The following THOC2 variants were observed in gnomAD, a reference collection of about 807,000 sequenced individuals.
The protein encoded by THOC2 is THO complex subunit 2, also known as THO complex 2.
In THOC2, 10 loss-of-function variants were observed where a neutral mutation model predicts 128.4. The ratio of observed to expected loss-of-function variants is 0.08; its 90% CI spans 0.05 to 0.13. The LOEUF (loss-of-function observed/expected upper bound fraction) is 0.13, where lower values mean the gene tolerates loss of function less well. Among genes scored for constraint, THOC2 ranks in the 10% least tolerant of loss-of-function variants. The pLI is 1.00. For synonymous variants in THOC2, 393 were observed against 396.9 expected (o/e 0.99, Z 0.12); for missense variants, 535 against 1,155.7 (o/e 0.46, Z 7.79).
chrX:123,614,558 G>GA (rs2046819662), intron 33 of THOC2, among the ~76,000 whole-genome samples: 2 of 107,002 alleles, frequency 1.9e-5, no homozygotes, highest in South Asian at 8.0e-4. Context: ...AAAAGAAAAA[G>GA]AAAAAAACAC....
intron 2 of THOC2, among the ~76,000 whole-genome samples, chrX:123,709,607 G>A (rs755781167): frequency 9.0e-5 from 10 of 111,469 alleles, no homozygotes; most frequent in African/African-American, 1.6e-4. Context: ...AAAAGGCCCC[G>A]AGAAGGTACT....
chrX:123,688,826 C>G (rs921005474), intron 7 of THOC2, among the ~76,000 whole-genome samples: 1 of 111,766 alleles, frequency 8.9e-6, no homozygotes, highest in African/African-American at 3.3e-5. Flanking sequence ...ATGAAAAATG[C>G]CTTCACACTG....
intron 30 of THOC2, 69 bp downstream of exon 30, chrX:123,622,689 T>C: frequency 1.2e-6 from 1 of 839,360 alleles, no homozygotes. Context: ...CAACCCCGTC[T>C]CAAAAAAATA....
chrX:123,682,727 TTC>T (rs1265008008), intron 8 of THOC2, among the ~76,000 whole-genome samples: 1 of 111,945 alleles, frequency 8.9e-6, no homozygotes, highest in East Asian at 2.8e-4. Flanking sequence ...AAGTAAGAAT[TTC>T]TGTTTACAGA....
intron 36 of THOC2, among the ~76,000 whole-genome samples, chrX:123,612,933 T>C (rs777398442): frequency 3.4e-4 from 38 of 111,999 alleles, no homozygotes; most frequent in Non-Finnish European, 6.2e-4. Context: ...TATCTTATAC[T>C]CAATTTTTAA....
At chrX:123,690,639 A>T (rs1179906500) in intron 7 of THOC2, among the ~76,000 whole-genome samples, 3 of 111,864 alleles carry the variant, frequency 2.7e-5, no homozygotes, top group Non-Finnish European at 5.6e-5. Context: ...AAAGACCAAG[A>T]TAATATTGCA....
rs1028865359 is a variant in THOC2 at position 123,623,585 on chromosome X, T to TA, written c.3503+201dup. 8.7e-5 allele frequency: 76 copies of TA among 871,896 alleles called. No homozygotes were observed. In the East Asian group the frequency reaches 1.4e-3, roughly 16 times the overall value. 71.9% of individuals were successfully genotyped at this position (871,896 alleles called of 1,213,427 possible). On this transcript the variant is annotated intron_variant, in intron 28 of 38. Transcript: ENST00000245838. ...AATCAAGAAATATTATACATGACTTTAAAAAAACTATCATCCAGTATAGAC... is the reference window on the plus strand; with the variant it reads ...AATCAAGAAATATTATACATGACTTTAAAAAAAACTATCATCCAGTATAGAC...
chrX:123,632,489 C>CAAAAA lies in THOC2; in HGVS notation c.2316+367_2316+371dup, dbSNP rs11324625. Among the ~76,000 whole-genome samples the CAAAAA allele has an allele frequency of 5.8e-3, 205 of 35,141 alleles. 4 individuals carry two copies. Among genetic ancestry groups the CAAAAA allele is most frequent in the Middle Eastern group, 0.032 (1 of 31 alleles). 30.5% of individuals were successfully genotyped at this position (35,141 alleles called of 115,157 possible). A position where few individuals can be genotyped will look rare whatever the true frequency, so the allele number is the denominator to read the frequency against. On this transcript the variant is annotated intron_variant, in intron 21 of 38. Coordinates refer to ENST00000245838, the MANE Select transcript of THOC2 (RefSeq NM_001081550.2). ...TGGGTAACAGAGTGAGGCTTTGTCT[C>CAAAAA]AAAAAAAAAAAAAAAAAAAAAAAAA...
At chrX:123,625,871 CTT>C in intron 25 of THOC2, 39 bp downstream of exon 25, 2 of 1,163,357 alleles carry the variant, frequency 1.7e-6, no homozygotes, top group Non-Finnish European at 2.3e-6. Flanking sequence ...TGTTAGCTAT[CTT>C]TGTGTGAGAA....
chrX:123,619,378 T>C (rs2047005954), intron 33 of THOC2, 23 bp downstream of exon 33: 10 of 1,034,070 alleles, frequency 9.7e-6, no homozygotes, highest in Non-Finnish European at 1.4e-5. Flanking sequence ...TACTTAGGCA[T>C]GATGATTTTA....
chrX:123,624,046 A>G lies in THOC2; in HGVS notation c.3318+14T>C, dbSNP rs769299226. ...AGAAAAATTTGCCTTTGAAAAATCCAATTTTTTTTTTACCTTGGTTAGTTT... is the reference window on the plus strand; with the variant it reads ...AGAAAAATTTGCCTTTGAAAAATCCGATTTTTTTTTTACCTTGGTTAGTTT... On this transcript the variant is annotated intron_variant, in intron 27 of 38. Coordinates refer to ENST00000245838, the MANE Select transcript of THOC2 (RefSeq NM_001081550.2). 5.9e-6 allele frequency: 7 copies of G among 1,180,300 alleles called. No individual in the cohort carries two copies. The highest frequency in any genetic ancestry group is 7.9e-6 in the Non-Finnish European group (7 of 885,698).
intron 22 of THOC2, among the ~76,000 whole-genome samples, chrX:123,630,401 TC>T (rs1287818621): frequency 1.8e-5 from 2 of 110,012 alleles, no homozygotes; most frequent in Admixed American, 1.9e-4. Context: ...TCACCTGAGG[TC>T]AGGAGTTTGA....
Position 123,623,925 on chromosome X carries a change from T to C in THOC2, c.3365A>G (p.Asn1122Ser). The change falls in exon 28 of 39, where the codon AAT (asparagine) becomes AGT (serine). Residue 1122 changes from asparagine (N) to serine (S), a missense_variant. Transcript: ENST00000245838. ...TATTTTTGTTAGCACAATCAAGATATTCCTGATGTGAGTATATTCGCCTGT... is the reference window on the plus strand; with the variant it reads ...TATTTTTGTTAGCACAATCAAGATACTCCTGATGTGAGTATATTCGCCTGT... ...LETGEYTHIR[N>S]ILIVLTKILP... 1.7e-6 allele frequency: 2 copies of C among 1,208,249 alleles called. No homozygotes were observed. The highest frequency in any genetic ancestry group is 2.2e-6 in the Non-Finnish European group (2 of 894,273).
intron 1 of THOC2, among the ~76,000 whole-genome samples, chrX:123,713,824 T>C (rs1275383730): frequency 2.9e-5 from 3 of 102,159 alleles, no homozygotes; most frequent in African/African-American, 1.1e-4. Context: ...TCCACTGTAC[T>C]CCAGCCTGGG....
Position 123,632,142 on chromosome X carries a change from A to C in THOC2, c.2317-290T>G, listed in dbSNP as rs986479535. ...TCAAATAAAATAATAACCATAGGCA[A>C]ACAGAAGTCAATTCCTTTGCCCTTA... is the stretch of plus-strand genomic sequence containing the variant. On this transcript the variant is annotated intron_variant, in intron 21 of 38. Transcript: ENST00000245838. Among the ~76,000 whole-genome samples the C allele has an allele frequency of 3.6e-5, 4 of 111,337 alleles. No individual in the cohort carries two copies. In the Admixed American group the frequency reaches 3.8e-4, roughly 11 times the overall value.
intron 8 of THOC2, among the ~76,000 whole-genome samples, chrX:123,677,890 GA>G: frequency 1.0e-5 from 1 of 99,780 alleles, no homozygotes; most frequent in South Asian, 4.5e-4. Flanking sequence ...AAAAAAAAAA[GA>G]TTTTTTAAGC....
intron 8 of THOC2, among the ~76,000 whole-genome samples, chrX:123,679,701 T>C (rs1344163074): frequency 4.5e-5 from 5 of 111,716 alleles, no homozygotes; most frequent in Non-Finnish European, 9.4e-5. Flanking sequence ...TAGAAAGAAG[T>C]AGACATAGGA....
intron 33 of THOC2, among the ~76,000 whole-genome samples, chrX:123,617,210 A>C (rs1357755953): frequency 9.0e-6 from 1 of 111,271 alleles, no homozygotes; most frequent in Non-Finnish European, 1.9e-5. Flanking sequence ...CAAAGGCTTA[A>C]GAGATCACTT....
intron 26 of THOC2, 36 bp downstream of exon 26, chrX:123,624,505 A>T: frequency 8.5e-7 from 1 of 1,179,859 alleles, no homozygotes; most frequent in Non-Finnish European, 1.1e-6. Flanking sequence ...GTCATTATAT[A>T]CATGGGTAAA....
Sources: allele counts gnomAD v4.1 joint callset (sites outside exome capture counted in the v4.1 genomes callset), GRCh38; gene constraint gnomAD v4.1.1; transcripts MANE v1.5; gene names NCBI Gene and HGNC (gene_info 2026-07-23, HGNC 2026-07-21).